The following LY96 variants were observed in gnomAD, a reference collection of about 807,000 sequenced individuals.
The protein encoded by LY96 is lymphocyte antigen 96, also known as myeloid differentiation protein-2.
In LY96, 18 loss-of-function variants were observed where a neutral mutation model predicts 18.9. The ratio of observed to expected loss-of-function variants is 0.95; its 90% CI spans 0.66 to 1.41. The LOEUF is 1.41. LY96 is among the 40% of genes most tolerant of loss of function. The pLI is 0.00. For synonymous variants in LY96, 66 were observed against 62.6 expected (o/e 1.06, Z -0.26); for missense variants, 175 against 182.4 (o/e 0.96, Z 0.23).
Position 73,998,439 on chromosome 8 carries a change from G to A in LY96, c.113-6357G>A, listed in dbSNP as rs769367272. 5.8e-4 allele frequency among the ~76,000 whole-genome samples: 88 copies of A among 152,112 alleles called. 1 individual carries two copies. The highest frequency in any genetic ancestry group is 1.2e-3 in the Non-Finnish European group (82 of 67,996). On this transcript the variant is annotated intron_variant, in intron 1 of 4. Coordinates refer to ENST00000284818, the MANE Select transcript of LY96 (RefSeq NM_015364.5). ...GCCTATAATCCTAGTGCTTTGAGAG[G>A]CTGAAGTGAGAGGATCACTTGAGGC...
At chr8:74,015,152 A>T (rs2131273172) in intron 3 of LY96, among the ~76,000 whole-genome samples, 1 of 152,192 alleles carries the variant, frequency 6.6e-6, no homozygotes, top group South Asian at 2.1e-4. Context: ...GGCTGCAGTG[A>T]GCCGTGATTG....
chr8:74,030,025 G>C (rs1278344047), downstream of LY96, among the ~76,000 whole-genome samples: 2 of 152,224 alleles, frequency 1.3e-5, no homozygotes, highest in Non-Finnish European at 2.9e-5. Flanking sequence ...TAATACAGCA[G>C]TGTTGACCTA....
At chr8:74,047,217 A>G in the LY96 span, among the ~76,000 whole-genome samples, 4 of 152,250 alleles carry the variant, frequency 2.6e-5, no homozygotes, top group African/African-American at 9.6e-5. Context: ...TGGATTTTCT[A>G]CATAAAAAGA....
intron 2 of LY96, among the ~76,000 whole-genome samples, chr8:74,006,216 A>G (rs1251727243): frequency 6.6e-6 from 1 of 152,010 alleles, no homozygotes; most frequent in Non-Finnish European, 1.5e-5. Context: ...TTCTTTTGAG[A>G]TGGAGTCTCT....
chr8:74,086,630 G>A, the LY96 span, among the ~76,000 whole-genome samples: 1 of 152,240 alleles, frequency 6.6e-6, no homozygotes, highest in Non-Finnish European at 1.5e-5. Flanking sequence ...TATTCTAACT[G>A]ATGCTGTTTG....
At chr8:74,073,248 G>C in the LY96 span, among the ~76,000 whole-genome samples, 3 of 152,282 alleles carry the variant, frequency 2.0e-5, no homozygotes, top group East Asian at 3.9e-4. Flanking sequence ...CTGAAGGAGG[G>C]AAGGGGAAGG....
the LY96 span, among the ~76,000 whole-genome samples, chr8:74,034,728 T>C: frequency 6.6e-6 from 1 of 152,138 alleles, no homozygotes; most frequent in East Asian, 1.9e-4. Flanking sequence ...GTCCAATTTG[T>C]TTTTCACTGA....
the LY96 span, among the ~76,000 whole-genome samples, chr8:74,054,725 G>T: frequency 2.1e-5 from 3 of 141,976 alleles, no homozygotes; most frequent in African/African-American, 7.9e-5. Context: ...GTGCAATGAC[G>T]TGATCATGGC....
the LY96 span, among the ~76,000 whole-genome samples, chr8:74,098,990 A>G: frequency 3.0e-4 from 45 of 152,332 alleles, 1 homozygote; most frequent in African/African-American, 1.1e-3. Flanking sequence ...TATAACCACT[A>G]TCAAGATTTT....
chr8:74,088,256 T>C, the LY96 span, among the ~76,000 whole-genome samples: 1 of 152,106 alleles, frequency 6.6e-6, no homozygotes, highest in Non-Finnish European at 1.5e-5. Flanking sequence ...GAAAACCCCA[T>C]GACACTTTGC....
the LY96 span, among the ~76,000 whole-genome samples, chr8:74,077,232 A>G: frequency 6.6e-6 from 1 of 152,334 alleles, no homozygotes; most frequent in African/African-American, 2.4e-5. Flanking sequence ...GAGTTTTTAT[A>G]GCACTTACTC....
intron 2 of LY96, among the ~76,000 whole-genome samples, chr8:74,009,181 G>T (rs370535452): frequency 6.6e-6 from 1 of 151,548 alleles, no homozygotes; most frequent in South Asian, 2.1e-4. Flanking sequence ...TGGATCACGA[G>T]GTCAGGAGTT....
intron 3 of LY96, among the ~76,000 whole-genome samples, chr8:74,014,720 T>C (rs1053633359): frequency 1.3e-5 from 2 of 151,892 alleles, no homozygotes; most frequent in Non-Finnish European, 2.9e-5. Flanking sequence ...TTCCTTTTGG[T>C]TGTTATAAAA....
At chr8:74,002,451 GTGATCTCTCTCTGAGTTCAC>G (rs1449726488) in intron 1 of LY96, among the ~76,000 whole-genome samples, 1 of 151,454 alleles carries the variant, frequency 6.6e-6, no homozygotes, top group Non-Finnish European at 1.5e-5. Context: ...TTCTTTTCCA[GTGATCTCTCTCTGAGTTCAC>G]TGATCCTTTC....
chr8:74,065,785 A>T, the LY96 span, among the ~76,000 whole-genome samples: 64 of 152,376 alleles, frequency 4.2e-4, 2 homozygotes, highest in East Asian at 0.012. Flanking sequence ...AATCTTCACA[A>T]CTGAGACAGA....
At chr8:74,058,293 A>G in the LY96 span, among the ~76,000 whole-genome samples, 1 of 152,156 alleles carries the variant, frequency 6.6e-6, no homozygotes, top group African/African-American at 2.4e-5. Context: ...AGTTTTAATT[A>G]TATTAAGCTG....
intron 1 of LY96, among the ~76,000 whole-genome samples, chr8:74,004,433 A>T (rs1430075938): frequency 6.6e-5 from 10 of 152,074 alleles, no homozygotes; most frequent in Admixed American, 6.6e-4. Flanking sequence ...TCTCTTCCTG[A>T]TTGTATGACA....
chr8:74,001,980 C>T (rs145178284), intron 1 of LY96, among the ~76,000 whole-genome samples: 3,790 of 88,906 alleles, frequency 0.043, 95 homozygotes, highest in African/African-American at 0.048. Context: ...CCTTCCTTCC[C>T]TCCCTCCCTC....
chr8:74,087,943 T>G, the LY96 span, among the ~76,000 whole-genome samples: 1 of 152,182 alleles, frequency 6.6e-6, no homozygotes, highest in African/African-American at 2.4e-5. Flanking sequence ...TTTCTTCTTT[T>G]TCTTGTCTGA....
Sources: gnomAD v4.1 joint callset for allele counts (sites outside exome capture counted in the v4.1 genomes callset) on GRCh38, gnomAD v4.1.1 for gene constraint, MANE v1.5 for transcripts, NCBI Gene and HGNC (gene_info 2026-07-23, HGNC 2026-07-21) for gene names.